The following PHF8 variants were observed in gnomAD, a reference collection of about 807,000 sequenced individuals.
PHF8 encodes the protein PHD finger protein 8, also known as histone lysine demethylase PHF8.
PHF8 carries 9 observed loss-of-function variants against 74.4 expected under a neutral mutation model. That is an observed-to-expected ratio of 0.12 (90% CI 0.07 to 0.21). PHF8 has a LOEUF of 0.21. Among genes scored for constraint, PHF8 ranks in the 10% least tolerant of loss-of-function variants. PHF8 has a pLI of 1.00. For missense variants in PHF8, 478 were observed against 816.6 expected (o/e 0.59, Z 5.05); for synonymous variants, 311 against 316.6 (o/e 0.98, Z 0.19).
At chrX:53,958,567 G>A (rs2065050647) in intron 19 of PHF8, among the ~76,000 whole-genome samples, 1 of 103,982 alleles carries the variant, frequency 9.6e-6, no homozygotes, top group Non-Finnish European at 2.0e-5. Context: ...GGATCACGAG[G>A]TCAGGAGATC....
At chrX:54,017,187 C>T (rs2066085651) in intron 5 of PHF8, among the ~76,000 whole-genome samples, 3 of 113,126 alleles carry the variant, frequency 2.7e-5, no homozygotes, top group Admixed American at 1.9e-4. Flanking sequence ...TGGTGGCTCA[C>T]GCCTGTAATC....
At chrX:53,978,548 C>A (rs1290551667) in intron 18 of PHF8, among the ~76,000 whole-genome samples, 2 of 110,831 alleles carry the variant, frequency 1.8e-5, no homozygotes, top group Non-Finnish European at 3.8e-5. Context: ...CCTGTAATCC[C>A]AGCACTTTGG....
chrX:53,969,301 C>A (rs2065258303), intron 18 of PHF8, among the ~76,000 whole-genome samples: 1 of 110,589 alleles, frequency 9.0e-6, no homozygotes, highest in Non-Finnish European at 1.9e-5. Flanking sequence ...ATACAAAAAT[C>A]AGTAGCATTT....
intron 2 of PHF8, among the ~76,000 whole-genome samples, chrX:54,038,909 G>A (rs2066505866): frequency 1.8e-5 from 2 of 110,882 alleles, no homozygotes; most frequent in South Asian, 7.6e-4. Context: ...GGTCAAGGTG[G>A]GTGGATCACG....
intron 19 of PHF8, among the ~76,000 whole-genome samples, chrX:53,945,263 T>C (rs1237606666): frequency 3.7e-5 from 4 of 107,044 alleles, no homozygotes; most frequent in Admixed American, 2.0e-4. Flanking sequence ...GAGAATGGCA[T>C]GAACCTGGGA....
chrX:54,007,389 G>GA (rs200343732), intron 8 of PHF8, among the ~76,000 whole-genome samples: 28 of 108,752 alleles, frequency 2.6e-4, no homozygotes, highest in African/African-American at 8.3e-4. Context: ...AGCAAATAAA[G>GA]AAAAAAAAAT....
At chrX:54,012,872 C>T (rs190365068) in intron 7 of PHF8, among the ~76,000 whole-genome samples, 3 of 102,664 alleles carry the variant, frequency 2.9e-5, no homozygotes, top group East Asian at 3.1e-4. Flanking sequence ...CACAGCAGGT[C>T]GAGGCTGCAG....
At chrX:53,988,023 A>C in intron 14 of PHF8, 79 bp from the exon 15 acceptor site, 1 of 759,092 alleles carries the variant, frequency 1.3e-6, no homozygotes, top group Non-Finnish European at 2.0e-6. Context: ...CTCTACATTG[A>C]CCTACAGATT....
chrX:54,014,759 G>C (rs1302609512), intron 6 of PHF8, among the ~76,000 whole-genome samples, 196 bp from the exon 7 acceptor site: 1 of 111,283 alleles, frequency 9.0e-6, no homozygotes, highest in Non-Finnish European at 1.9e-5. Flanking sequence ...CTCATCTCCA[G>C]AAGTCCCAAG....
At chrX:53,947,969 C>T (rs1278174809) in intron 19 of PHF8, among the ~76,000 whole-genome samples, 1 of 111,737 alleles carries the variant, frequency 8.9e-6, no homozygotes, top group Non-Finnish European at 1.9e-5. Flanking sequence ...AAGTCACCCC[C>T]AGCCTTCAAA....
At chrX:53,995,271 C>G in intron 12 of PHF8, 1 of 337,493 alleles carries the variant, frequency 3.0e-6, no homozygotes, top group Non-Finnish European at 5.9e-6. Flanking sequence ...ACAACTACCA[C>G]CACCACCCAC....
chrX:54,009,881 A>AAAAGG (rs2065956245), intron 8 of PHF8, among the ~76,000 whole-genome samples: 2 of 99,747 alleles, frequency 2.0e-5, no homozygotes, highest in Non-Finnish European at 4.0e-5. Flanking sequence ...AAAAAAAAAA[A>AAAAGG]GTGGCTCTTT....
At position 53,937,947 on chromosome X, in the gene PHF8, G is replaced by A. The variant is rs1557082256; in HGVS notation, c.*1211C>T. 6.3e-6 allele frequency: 7 copies of A among 1,109,274 alleles called. No individual in the cohort carries two copies. The Admixed American group carries it at 1.3e-4, about 21-fold the overall frequency. The allele number at this position is 1,109,274 out of a possible 1,213,427, so 91.4% of individuals were successfully genotyped here. On this transcript the variant is annotated 3_prime_UTR_variant, in exon 22 of 22. Coordinates refer to ENST00000338154, the MANE Select transcript of PHF8 (RefSeq NM_015107.3). ...GAGACAATCCACGAAGGAAGGACAG[G>A]GGAAGGGGAGGATCGGATGGATGGT... is the stretch of plus-strand genomic sequence containing the variant.
intron 2 of PHF8, among the ~76,000 whole-genome samples, chrX:54,042,310 A>G (rs1375214542): frequency 9.4e-6 from 1 of 106,316 alleles, no homozygotes; most frequent in Admixed American, 1.0e-4. Flanking sequence ...GAAAAAAATA[A>G]AACAAAATAA....
At chrX:53,943,630 TAGG>T (rs2064785842) in intron 20 of PHF8, among the ~76,000 whole-genome samples, 3 of 111,910 alleles carry the variant, frequency 2.7e-5, no homozygotes, top group African/African-American at 9.8e-5. Context: ...GATGTAATGC[TAGG>T]AGATGAATTT....
At chrX:53,957,218 C>T (rs1000531291) in intron 19 of PHF8, among the ~76,000 whole-genome samples, 3 of 107,938 alleles carry the variant, frequency 2.8e-5, no homozygotes, top group Non-Finnish European at 3.8e-5. Flanking sequence ...TAGCTGGGTG[C>T]GGTGGTGCGT....
intron 20 of PHF8, chrX:53,942,659 A>G (rs2064769477): frequency 1.4e-6 from 1 of 714,750 alleles, no homozygotes; most frequent in African/African-American, 2.6e-5. Context: ...ACATACATTT[A>G]TGATTGTAAG....
At chrX:53,986,767 T>C (rs1319204419) in intron 16 of PHF8, among the ~76,000 whole-genome samples, 1 of 109,409 alleles carries the variant, frequency 9.1e-6, no homozygotes, top group Non-Finnish European at 1.9e-5. Context: ...ACCCTATCTC[T>C]ACAAAAAAAA....
At chrX:53,942,648 A>G in intron 20 of PHF8, 1 of 715,868 alleles carries the variant, frequency 1.4e-6, no homozygotes, top group Non-Finnish European at 1.6e-6. Context: ...GAAACACCAA[A>G]ACATACATTT....
Sources: gnomAD v4.1 joint callset for allele counts (sites outside exome capture counted in the v4.1 genomes callset) on GRCh38, gnomAD v4.1.1 for gene constraint, MANE v1.5 for transcripts, NCBI Gene and HGNC (gene_info 2026-07-23, HGNC 2026-07-21) for gene names.